SLC4A4: variants seen among roughly 807,000 people sequenced by gnomAD.
SLC4A4 encodes the protein electrogenic sodium bicarbonate cotransporter 1.
Under a neutral mutation model 111.5 loss-of-function variants are expected in SLC4A4, and 27 were observed. The ratio of observed to expected loss-of-function variants is 0.24; its 90% CI spans 0.18 to 0.33. The LOEUF is 0.33. SLC4A4 is among the 10% of genes least tolerant of loss of function. The probability of loss-of-function intolerance (pLI) is 1.00; values close to 1 mark genes in which losing one functional copy is unlikely to be tolerated. For synonymous variants in SLC4A4, 443 were observed against 463.4 expected, an observed-to-expected ratio of 0.96 and a Z score of 0.57; for missense variants, 909 against 1,315.5, an observed-to-expected ratio of 0.69 and a Z score of 4.78.
chr4:71,260,742 C>T (rs1721796894), intron 3 of SLC4A4, among the ~76,000 whole-genome samples: 1 of 152,172 alleles, frequency 6.6e-6, no homozygotes, highest in South Asian at 2.1e-4. Context: ...GAGTTTGAAT[C>T]CCAGTTCATA....
At chr4:71,548,873 G>A (rs969807212) in intron 20 of SLC4A4, among the ~76,000 whole-genome samples, 6 of 151,896 alleles carry the variant, frequency 4.0e-5, no homozygotes, top group Non-Finnish European at 8.8e-5. Context: ...TCTTTGATCT[G>A]TAAATAAGAC....
chr4:71,523,871 T>C (rs190283123), intron 16 of SLC4A4, among the ~76,000 whole-genome samples: 35 of 152,280 alleles, frequency 2.3e-4, no homozygotes, highest in African/African-American at 8.4e-4. Context: ...GTTCAAGGAA[T>C]GTTGATAATT....
chr4:71,082,688 T>C (rs1661725548), intron 1 of SLC4A4, among the ~76,000 whole-genome samples: 1 of 152,012 alleles, frequency 6.6e-6, no homozygotes, highest in Non-Finnish European at 1.5e-5. Context: ...CATTTTCCCA[T>C]TTTGCTTCAG....
chr4:71,317,873 A>G (rs1470255711), intron 3 of SLC4A4, among the ~76,000 whole-genome samples: 3 of 152,076 alleles, frequency 2.0e-5, no homozygotes, highest in Admixed American at 6.6e-5. Context: ...ATATAGAAAT[A>G]ATACTTAGGT....
At chr4:71,490,342 T>A (rs1464175839) in intron 15 of SLC4A4, among the ~76,000 whole-genome samples, 2 of 151,964 alleles carry the variant, frequency 1.3e-5, no homozygotes, top group South Asian at 2.1e-4. Flanking sequence ...TCCTTTTTTT[T>A]AAATTGAGGC....
chr4:71,143,634 C>T (rs896132177), intron 2 of SLC4A4, among the ~76,000 whole-genome samples: 54 of 152,236 alleles, frequency 3.5e-4, no homozygotes, highest in Middle Eastern at 6.8e-3. Flanking sequence ...TTTTAATGAT[C>T]GCCATTCTAA....
chr4:71,419,841 C>T (rs1722239499), intron 7 of SLC4A4, among the ~76,000 whole-genome samples: 1 of 152,152 alleles, frequency 6.6e-6, no homozygotes, highest in African/African-American at 2.4e-5. Context: ...CATCTTGGCT[C>T]CTCACCATCA....
intron 2 of SLC4A4, among the ~76,000 whole-genome samples, chr4:71,173,200 A>G (rs1389312650): frequency 1.3e-5 from 2 of 152,196 alleles, no homozygotes; most frequent in African/African-American, 4.8e-5. Context: ...AAATAAAATC[A>G]AAGTCTAGTA....
At chr4:71,174,223 C>T (rs1235009951) in intron 2 of SLC4A4, among the ~76,000 whole-genome samples, 2 of 151,096 alleles carry the variant, frequency 1.3e-5, no homozygotes. Flanking sequence ...AGATTGTCCT[C>T]ACTCAAAATT....
chr4:71,402,149 G>T (rs1042486335), intron 7 of SLC4A4, among the ~76,000 whole-genome samples: 1 of 152,118 alleles, frequency 6.6e-6, no homozygotes, highest in Admixed American at 6.6e-5. Flanking sequence ...TAAATATTTT[G>T]TCAGAAAGTA....
chr4:71,461,346 G>A (rs954915429), intron 12 of SLC4A4, among the ~76,000 whole-genome samples: 4 of 151,842 alleles, frequency 2.6e-5, no homozygotes, highest in African/African-American at 9.7e-5. Flanking sequence ...TTTCTCCTTA[G>A]CCTTTTTTCC....
At chr4:71,409,414 C>A (rs916851362) in intron 7 of SLC4A4, among the ~76,000 whole-genome samples, 1 of 152,196 alleles carries the variant, frequency 6.6e-6, no homozygotes, top group Admixed American at 6.5e-5. Flanking sequence ...TTGTTGGGAA[C>A]TGGAACAAAG....
intron 2 of SLC4A4, among the ~76,000 whole-genome samples, chr4:71,156,565 TGC>T (rs1560749319): frequency 6.9e-4 from 19 of 27,396 alleles, no homozygotes; most frequent in African/African-American, 8.2e-4. Context: ...AATAAGTGTG[TGC>T]GCGCATGCGC....
intron 15 of SLC4A4, among the ~76,000 whole-genome samples, chr4:71,493,995 AT>A (rs758770651): frequency 4.6e-5 from 7 of 151,766 alleles, no homozygotes; most frequent in Non-Finnish European, 1.0e-4. Flanking sequence ...CTTCACTTCC[AT>A]TGTGGATACC....
At chr4:71,409,786 C>T (rs1721194872) in intron 7 of SLC4A4, among the ~76,000 whole-genome samples, 1 of 152,150 alleles carries the variant, frequency 6.6e-6, no homozygotes, top group Non-Finnish European at 1.5e-5. Flanking sequence ...ATGAAAGCCC[C>T]TCCCATCACA....
intron 18 of SLC4A4, among the ~76,000 whole-genome samples, chr4:71,539,388 C>T (rs1412064870): frequency 6.6e-6 from 1 of 152,030 alleles, no homozygotes; most frequent in African/African-American, 2.4e-5. Context: ...TTTGTCCTAG[C>T]CTGGGTTTTA....
At chr4:71,318,750 A>G (rs1726894983) in intron 3 of SLC4A4, among the ~76,000 whole-genome samples, 2 of 152,076 alleles carry the variant, frequency 1.3e-5, no homozygotes, top group East Asian at 1.9e-4. Context: ...TTACTTAACT[A>G]TAATTTATTT....
At chr4:71,355,689 T>C (rs1469722218) in intron 5 of SLC4A4, among the ~76,000 whole-genome samples, 1 of 152,194 alleles carries the variant, frequency 6.6e-6, no homozygotes, top group Admixed American at 6.5e-5. Context: ...AGCTATAGGC[T>C]GTGAGGCCAA....
Position 71,440,783 on chromosome 4 carries a change from T to C in SLC4A4, c.965+10T>C. ...TTCCTGTGCCCACAAGGTAAGCTGCTCTCCTACCTGGGGTCTACAATGTGC... is the reference window on the plus strand; with the variant it reads ...TTCCTGTGCCCACAAGGTAAGCTGCCCTCCTACCTGGGGTCTACAATGTGC... On this transcript the variant is annotated intron_variant, in intron 8 of 25. Coordinates refer to ENST00000264485, the MANE Select transcript of SLC4A4 (RefSeq NM_001098484.3). 6.2e-7 allele frequency: 1 copy of C among 1,613,850 alleles called. No individual in the cohort carries two copies. The highest frequency in any genetic ancestry group is 1.7e-5 in the Admixed American group (1 of 60,002).
Sources: gnomAD v4.1 joint callset for allele counts (sites outside exome capture counted in the v4.1 genomes callset) on GRCh38, gnomAD v4.1.1 for gene constraint, MANE v1.5 for transcripts, NCBI Gene and HGNC (gene_info 2026-07-23, HGNC 2026-07-21) for gene names.